Variants in DDX50 observed in about 807,000 individuals in gnomAD.
The protein encoded by DDX50 is ATP-dependent RNA helicase DDX50.
Under a neutral mutation model 94.8 loss-of-function variants are expected in DDX50, and 56 were observed. The observed-to-expected ratio is 0.59, with a 90% CI of 0.48 to 0.74. The LOEUF (loss-of-function observed/expected upper bound fraction) is 0.74, where lower values mean the gene tolerates loss of function less well. DDX50 is among the 30% of genes least tolerant of loss of function. The probability of loss-of-function intolerance (pLI) is 0.00; values close to 1 mark genes in which losing one functional copy is unlikely to be tolerated. For missense variants in DDX50, 713 were observed against 881.2 expected (o/e 0.81, Z 2.42); for synonymous variants, 264 against 295.4 (o/e 0.89, Z 1.09).
intron 7 of DDX50, among the ~76,000 whole-genome samples, chr10:68,917,866 G>A (rs1268183464): frequency 1.3e-5 from 2 of 152,124 alleles, no homozygotes; most frequent in South Asian, 2.1e-4. Flanking sequence ...GGCTCCCAAA[G>A]TGCTGGGATT....
chr10:68,910,466 A>G, intron 3 of DDX50, 84 bp downstream of exon 3: 1 of 1,137,258 alleles, frequency 8.8e-7, no homozygotes, highest in Non-Finnish European at 1.2e-6. Flanking sequence ...GCAGTGGGGC[A>G]GTCTTGGCTC....
At chr10:68,903,769 G>C (rs142914768) in intron 1 of DDX50, among the ~76,000 whole-genome samples, 30 of 149,592 alleles carry the variant, frequency 2.0e-4, no homozygotes, top group African/African-American at 6.4e-4. Context: ...CCACTGCACT[G>C]CAGCCTGGGT....
intron 3 of DDX50, 54 bp downstream of exon 3, chr10:68,910,436 T>A (rs190884371): frequency 1.4e-6 from 2 of 1,481,340 alleles, no homozygotes; most frequent in African/African-American, 2.9e-5. Context: ...AGAGCCTCGC[T>A]CTGTTGCCCA....
intron 8 of DDX50, among the ~76,000 whole-genome samples, chr10:68,929,407 C>T (rs12415160): frequency 0.074 from 10,813 of 147,098 alleles, 529 homozygotes; most frequent in African/African-American, 0.13. Context: ...TTCCTTTCTT[C>T]CTTCCTTTCT....
chr10:68,937,058 C>T lies in DDX50; in HGVS notation c.1718C>T (p.Ser573Leu), dbSNP rs1842439671. 6.2e-7 allele frequency: 1 copy of T among 1,613,026 alleles called. No homozygotes were observed. Among genetic ancestry groups the T allele is most frequent in the Non-Finnish European group, 8.5e-7 (1 of 1,179,754 alleles). Residue 573 changes from serine to leucine, a missense_variant, in exon 12 of 15, where the codon TCA becomes TTA. Physicochemically the swap from Ser to Leu is moderately radical, Grantham distance 145. Coordinates refer to ENST00000373585, the MANE Select transcript of DDX50 (RefSeq NM_024045.2). The part of the protein sequence containing the change: ...AAALAHISGA[S>L]SFEPRSLITS... ...GCTTTAGCCCACATTTCTGGTGCATCAAGCTTTGAACCACGATCTTTGATC... is the reference window on the plus strand; with the variant it reads ...GCTTTAGCCCACATTTCTGGTGCATTAAGCTTTGAACCACGATCTTTGATC...
chr10:68,901,681 TCTC>T (rs1841291813), intron 1 of DDX50, among the ~76,000 whole-genome samples: 1 of 152,118 alleles, frequency 6.6e-6, no homozygotes, highest in South Asian at 2.1e-4. Context: ...GCTTTGGGCC[TCTC>T]CTCCGCGTGG....
At chr10:68,919,287 T>G (rs950920865) in intron 7 of DDX50, among the ~76,000 whole-genome samples, 11 of 152,344 alleles carry the variant, frequency 7.2e-5, no homozygotes, top group African/African-American at 2.6e-4. Flanking sequence ...CATATAATTT[T>G]TATTATGTAC....
rs188298524 is a variant in DDX50, at chr10:68,934,026, A to T, written c.1240-173A>T. ...AGTATTAGGGAAGCTTTTACATTTT[A>T]TGTTAAATATTTTCTGTCATGTTTG... On this transcript the variant is annotated intron_variant, in intron 8 of 14. Transcript: ENST00000373585. The surrounding 1 kb of genome is among the most constrained non-coding windows in gnomAD (Gnocchi z 4.0). Among the ~76,000 whole-genome samples, 2 of 150,896 alleles carry T rather than the reference A, an allele frequency of 1.3e-5. No homozygotes were observed. Among genetic ancestry groups the T allele is most frequent in the Non-Finnish European group, 3.0e-5 (2 of 67,772 alleles).
chr10:68,920,785 A>G (rs1257656558), intron 8 of DDX50, among the ~76,000 whole-genome samples: 1 of 151,772 alleles, frequency 6.6e-6, no homozygotes, highest in Admixed American at 6.6e-5. Context: ...ATCTCTACTA[A>G]AAATATAAAA....
At chr10:68,917,947 G>A (rs1421189468) in intron 7 of DDX50, among the ~76,000 whole-genome samples, 2 of 150,682 alleles carry the variant, frequency 1.3e-5, no homozygotes, top group Non-Finnish European at 3.0e-5. Flanking sequence ...TTTTTGAGAT[G>A]GAATTTCACT....
intron 11 of DDX50, among the ~76,000 whole-genome samples, chr10:68,936,606 AG>A (rs1842426245): frequency 7.2e-6 from 1 of 139,002 alleles, no homozygotes; most frequent in Non-Finnish European, 1.5e-5. Context: ...CGGGAGGCTG[AG>A]GTGGGCAGAT....
chr10:68,936,906 T>A, intron 11 of DDX50, 30 bp from the exon 12 acceptor site: 1 of 1,551,356 alleles, frequency 6.4e-7, no homozygotes, highest in Non-Finnish European at 8.7e-7. Flanking sequence ...TCCCTATGTC[T>A]TGACCAAGAA....
intron 1 of DDX50, among the ~76,000 whole-genome samples, chr10:68,903,909 G>A (rs1396861887): frequency 1.3e-5 from 2 of 151,298 alleles, no homozygotes; most frequent in African/African-American, 4.9e-5. Context: ...CTGGGAGGCA[G>A]AGGTTGCAGT....
chr10:68,901,446 A>C lies in DDX50; in HGVS notation c.62A>C (p.Glu21Ala). ...CTGGAAGCACCCTTGGAGGAGTCCG[A>C]GAGCCAGAAGAAGGAGAGGCAAAAG... ...MELEAPLEES[E>A]SQKKERQKSD... The change falls in exon 1 of 15, where the codon GAG (glutamate) becomes GCG (alanine). Residue 21 changes from glutamate to alanine, a missense_variant. Transcript: ENST00000373585. 4.4e-6 allele frequency: 7 copies of C among 1,574,620 alleles called. No individual in the cohort carries two copies. The highest frequency in any genetic ancestry group is 6.0e-6 in the Non-Finnish European group (7 of 1,160,678).
Position 68,911,205 on chromosome 10 carries a change from C to A in DDX50, c.598C>A (p.Gln200Lys). Residue 200 changes from glutamine (Q) to lysine (K), a missense_variant, in exon 4 of 15, where the codon CAA becomes AAA. By Grantham distance (53) the Gln-to-Lys change is moderately conservative. Coordinates refer to ENST00000373585, the MANE Select transcript of DDX50 (RefSeq NM_024045.2). ...TGCCATCCCCTTAATTGAAAGACTC[C>A]AAAGAAATCAAGAAACAATTAAAAA... ...SFAIPLIERL[Q>K]RNQETIKKSR... 2 of 1,606,704 alleles carry A rather than the reference C, an allele frequency of 1.2e-6. No homozygotes were observed. The highest frequency in any genetic ancestry group is 2.2e-5 in the South Asian group (2 of 88,998).
chr10:68,944,304 A>T (rs538420761), intron 14 of DDX50, among the ~76,000 whole-genome samples: 1 of 152,186 alleles, frequency 6.6e-6, no homozygotes, highest in African/African-American at 2.4e-5. Flanking sequence ...CTCTCTTTTA[A>T]AAAAGTATTC....
chr10:68,919,874 A>G lies in DDX50; in HGVS notation c.1132A>G (p.Ile378Val), dbSNP rs759386831. The change falls in exon 8 of 15, where the codon ATT becomes GTT. Residue 378 changes from isoleucine (I) to valine (V), a missense_variant. By Grantham distance (29) the Ile-to-Val change is conservative. Coordinates refer to ENST00000373585, the MANE Select transcript of DDX50 (RefSeq NM_024045.2). ...TCATTGGTCTCAGAGGCCAGCAGTT[A>G]TTGGAGATGTCCTTCAAGTCTACAG... is the stretch of plus-strand genomic sequence containing the variant. ...QCHWSQRPAVIGDVLQVYSGS... is the reference protein window; with the variant it reads ...QCHWSQRPAVVGDVLQVYSGS... The G allele has an allele frequency of 3.1e-6, 5 of 1,613,880 alleles. No individual in the cohort carries two copies. The highest frequency in any genetic ancestry group is 2.2e-5 in the East Asian group (1 of 44,900).
At position 68,911,265 on chromosome 10, in the gene DDX50, A is replaced by G; in HGVS notation, c.639+19A>G. 1 of 1,535,982 alleles carries G rather than the reference A, an allele frequency of 6.5e-7. No individual in the cohort carries two copies. The highest frequency in any genetic ancestry group is 8.7e-7 in the Non-Finnish European group (1 of 1,145,322). ...ACCAAAGGTAATCGTTATAGGGGGT[A>G]AAAGCTTTAAATGTTACTCTAACAG... On this transcript the variant is annotated intron_variant, in intron 4 of 14. Transcript: ENST00000373585.
Position 68,936,986 on chromosome 10 carries a change from C to T in DDX50, c.1646C>T (p.Ala549Val). ...YAAVDFFRPSAQRLIEEKGAV... is the reference protein window; with the variant it reads ...YAAVDFFRPSVQRLIEEKGAV... ...GCTGTTGATTTTTTCCGACCATCAGCTCAGAGACTGATAGAAGAGAAAGGT... is the reference window on the plus strand; with the variant it reads ...GCTGTTGATTTTTTCCGACCATCAGTTCAGAGACTGATAGAAGAGAAAGGT... Residue 549 changes from alanine (A) to valine (V), a missense_variant, in exon 12 of 15, where the codon GCT (alanine) becomes GTT (valine). Ala to Val is a moderately conservative substitution (Grantham distance 64). This residue lies in a region of DDX50 where 428 missense variants were observed against 602.3 expected (regional missense o/e 0.71). Coordinates refer to ENST00000373585, the MANE Select transcript of DDX50 (RefSeq NM_024045.2). 6.2e-7 allele frequency: 1 copy of T among 1,611,642 alleles called. No homozygotes were observed. The highest frequency in any genetic ancestry group is 8.5e-7 in the Non-Finnish European group (1 of 1,179,598).
Sources: allele counts gnomAD v4.1 joint callset (sites outside exome capture counted in the v4.1 genomes callset), GRCh38; gene constraint gnomAD v4.1.1; regional missense constraint gnomAD v4.1.1; non-coding constraint Gnocchi (gnomAD v3.1); transcripts MANE v1.5; gene names NCBI Gene and HGNC (gene_info 2026-07-23, HGNC 2026-07-21).